SNRPN: variants seen among roughly 807,000 people sequenced by gnomAD.
SNRPN encodes the protein small nuclear ribonucleoprotein polypeptide N, also known as small nuclear ribonucleoprotein-associated protein N.
In SNRPN, 7 loss-of-function variants were observed where a neutral mutation model predicts 25.2. That is an observed-to-expected ratio of 0.28 (90% confidence interval 0.16 to 0.52). SNRPN has a LOEUF of 0.52. Among genes scored for constraint, SNRPN ranks in the 20% least tolerant of loss-of-function variants. The pLI, the probability that SNRPN is intolerant of heterozygous loss-of-function variation, is 0.96. For missense variants in SNRPN, 196 were observed against 322.5 expected, an observed-to-expected ratio of 0.61 and a Z score of 3.00; for synonymous variants, 124 against 110.6, an observed-to-expected ratio of 1.12 and a Z score of -0.76.
At chr15:24,918,425 T>C (rs931396034) in intron 2 of SNRPN, among the ~76,000 whole-genome samples, 1 of 122,358 alleles carries the variant, frequency 8.2e-6, no homozygotes, top group African/African-American at 3.0e-5. Flanking sequence ...TATGTGTATA[T>C]ATAACATAAT....
intron 3 of SNRPN, among the ~76,000 whole-genome samples, chr15:24,945,725 C>A (rs1160999075): frequency 2.6e-5 from 4 of 152,162 alleles, no homozygotes; most frequent in African/African-American, 9.7e-5. Flanking sequence ...TAGGTACTTT[C>A]TTTTCTTGTT....
rs772333491 is a variant in SNRPN at position 24,978,338 on chromosome 15, T to A, written c.685+20T>A. 2.5e-5 allele frequency: 41 copies of A among 1,613,786 alleles called. No individual in the cohort carries two copies. Among genetic ancestry groups the A allele is most frequent in the Non-Finnish European group, 3.4e-5 (40 of 1,179,942 alleles). The stretch of plus-strand genomic sequence containing the variant: ...TTAGAGGTGAGTGGGAGCATAGGGG[T>A]TTGATGGTTCAGCCAGGCCCCTGAA... On this transcript the variant is annotated intron_variant, in intron 9 of 9. Transcript: ENST00000390687.
chr15:24,837,697 G>T (rs1260868075), intron 2 of SNRPN, among the ~76,000 whole-genome samples: 2 of 150,404 alleles, frequency 1.3e-5, no homozygotes, highest in Non-Finnish European at 3.0e-5. Flanking sequence ...AAGAAAGAAA[G>T]ATTAAAAGGA....
chr15:24,875,745 A>G (rs2055794362), intron 1 of SNRPN, among the ~76,000 whole-genome samples: 1 of 152,100 alleles, frequency 6.6e-6, no homozygotes, highest in Admixed American at 6.6e-5. Context: ...ATAGCAAAAC[A>G]CTGTCTCTAC....
intron 1 of SNRPN, among the ~76,000 whole-genome samples, chr15:24,885,530 T>A (rs2057110484): frequency 6.6e-6 from 1 of 152,182 alleles, no homozygotes; most frequent in South Asian, 2.1e-4. Flanking sequence ...TAAATTTGTT[T>A]GAATAATTTA....
chr15:24,885,598 C>T (rs2057115212), intron 1 of SNRPN, among the ~76,000 whole-genome samples: 1 of 152,066 alleles, frequency 6.6e-6, no homozygotes, highest in South Asian at 2.1e-4. Flanking sequence ...CTGAGTCTTT[C>T]CCACATCTCT....
intron 2 of SNRPN, among the ~76,000 whole-genome samples, chr15:24,834,188 T>G (rs1349617998): frequency 1.3e-5 from 2 of 152,120 alleles, no homozygotes; most frequent in African/African-American, 4.8e-5. Flanking sequence ...CCTCCCAAAG[T>G]GCTGGGATTA....
intron 1 of SNRPN, among the ~76,000 whole-genome samples, chr15:24,829,472 A>G (rs1024267868): frequency 2.0e-5 from 3 of 152,082 alleles, no homozygotes; most frequent in African/African-American, 7.3e-5. Flanking sequence ...CACTGGGATG[A>G]GTAATACATG....
intron 3 of SNRPN, chr15:24,921,131 C>A (rs983779613): frequency 2.0e-5 from 3 of 152,182 alleles, no homozygotes; most frequent in African/African-American, 7.2e-5. Flanking sequence ...GGCCAAGGCT[C>A]TTCTGACAGG....
At position 24,873,649 on chromosome 15, in the gene SNRPN, G is replaced by A. The variant is rs558666349; in HGVS notation, c.-578-12867G>A. Among the ~76,000 whole-genome samples, 1,230 of 152,074 alleles carry A rather than the reference G, an allele frequency of 8.1e-3. 13 individuals carry two copies. Among genetic ancestry groups the A allele is most frequent in the Non-Finnish European group, 0.012 (840 of 67,976 alleles). On this transcript the variant is annotated intron_variant, in intron 1 of 11. Transcript: ENST00000400097. Reference sequence around the variant, plus strand: ...TTTTTAGTAGAGACGGGGTTTCACCGTGTTAGCCAGGATGGTCTCGATCTC... The same window carrying A: ...TTTTTAGTAGAGACGGGGTTTCACCATGTTAGCCAGGATGGTCTCGATCTC...
At position 24,871,222 on chromosome 15, in the gene SNRPN, A is replaced by AG. The variant is rs1236348490; in HGVS notation, c.-579+14508dup. ...TAATATTTTTAATTTCCGTACATTT[A>AG]GGTTCACTGTTTGTATTATAAAGTT... On this transcript the variant is annotated intron_variant, in intron 1 of 11. Coordinates refer to the SNRPN transcript ENST00000400097. 9.9e-5 allele frequency among the ~76,000 whole-genome samples: 15 copies of AG among 151,820 alleles called. 1 individual carries two copies. Among genetic ancestry groups the AG allele is most frequent in the Admixed American group, 9.9e-4 (15 of 15,204 alleles).
At chr15:24,857,304 A>T (rs954830582) in intron 1 of SNRPN, among the ~76,000 whole-genome samples, 1 of 152,046 alleles carries the variant, frequency 6.6e-6, no homozygotes, top group African/African-American at 2.4e-5. Flanking sequence ...AGAGTCTTTG[A>T]TTTTTTTCCC....
intron 2 of SNRPN, among the ~76,000 whole-genome samples, chr15:24,845,886 C>T (rs1315807277): frequency 6.6e-6 from 1 of 150,956 alleles, no homozygotes. Context: ...AGCTTGAGAC[C>T]AGCCTGACCA....
At chr15:24,908,818 C>T (rs1025631915) in intron 2 of SNRPN, 2 of 512,584 alleles carry the variant, frequency 3.9e-6, no homozygotes, top group Non-Finnish European at 6.7e-6. Flanking sequence ...GTCTGGAAAT[C>T]TTTCTCTAGA....
chr15:24,952,901 T>C (rs73354175), upstream of SNRPN, among the ~76,000 whole-genome samples: 1,383 of 151,844 alleles, frequency 9.1e-3, 21 homozygotes, highest in African/African-American at 0.031. Flanking sequence ...GTGTCCACAA[T>C]GGAAAAAGGA....
intron 3 of SNRPN, among the ~76,000 whole-genome samples, chr15:24,923,015 C>T (rs181976070): frequency 2.0e-4 from 30 of 146,744 alleles, no homozygotes; most frequent in African/African-American, 7.0e-4. Flanking sequence ...AAGCGATTCT[C>T]CTGCCTCAGA....
At chr15:24,973,069 G>A (rs1388375201) in intron 3 of SNRPN, among the ~76,000 whole-genome samples, 1 of 151,946 alleles carries the variant, frequency 6.6e-6, no homozygotes, top group East Asian at 2.0e-4. Context: ...TGTATTTTTA[G>A]TAGAGATAGG....
chr15:24,976,209 T>C, intron 5 of SNRPN, 96 bp from the exon 6 acceptor site: 2 of 911,884 alleles, frequency 2.2e-6, no homozygotes, highest in South Asian at 2.8e-5. Context: ...ATGTTTAGCA[T>C]CAGTTGTCTT....
rs776280755 is a variant in SNRPN, at chr15:24,962,118, C to T, written c.-386C>T. ...TGCCTCTCTTTTCTGTTTCAGGGATCGCTTACACCTGAGACGAACTACAGA... is the reference window on the plus strand; with the variant it reads ...TGCCTCTCTTTTCTGTTTCAGGGATTGCTTACACCTGAGACGAACTACAGA... On this transcript the variant is annotated 5_prime_UTR_variant, in exon 2 of 10. Transcript: ENST00000390687. The T allele has an allele frequency of 1.1e-5, 17 of 1,613,922 alleles. No homozygotes were observed. The highest frequency in any genetic ancestry group is 2.2e-5 in the East Asian group (1 of 44,860).
Sources: allele counts gnomAD v4.1 joint callset (sites outside exome capture counted in the v4.1 genomes callset), GRCh38; gene constraint gnomAD v4.1.1; transcripts MANE v1.5; gene names NCBI Gene and HGNC (gene_info 2026-07-23, HGNC 2026-07-21).